The following GRAMD2A variants were observed in gnomAD, a reference collection of about 807,000 sequenced individuals.
GRAMD2A encodes GRAM domain-containing protein 2A.
A neutral mutation model predicts 51.1 loss-of-function variants in GRAMD2A; 37 were observed. The ratio of observed to expected loss-of-function variants is 0.72; its 90% CI spans 0.56 to 0.95. The LOEUF (loss-of-function observed/expected upper bound fraction) is 0.95. Ranked by LOEUF, GRAMD2A falls within the 40% of genes least tolerant of loss-of-function variation. GRAMD2A has a pLI of 0.00. For synonymous variants in GRAMD2A, 136 were observed against 157.1 expected (o/e 0.87, Z 1.01); for missense variants, 414 against 426.9 (o/e 0.97, Z 0.27).
intron 1 of GRAMD2A, among the ~76,000 whole-genome samples, chr15:72,196,009 C>T (rs1330922865): frequency 3.3e-5 from 5 of 152,224 alleles, no homozygotes; most frequent in Non-Finnish European, 7.3e-5. Flanking sequence ...TCAGAAAATT[C>T]TCCCAAGGGG....
At chr15:72,190,564 C>G (rs888114160) in intron 1 of GRAMD2A, among the ~76,000 whole-genome samples, 1 of 152,192 alleles carries the variant, frequency 6.6e-6, no homozygotes, top group Non-Finnish European at 1.5e-5. Flanking sequence ...TTGCAAGATT[C>G]ATTAACTTTT....
In GRAMD2A at chr15:72,166,245, G is replaced by C. The variant is rs546430754; in HGVS notation, c.543+387C>G. Among the ~76,000 whole-genome samples, 276 of 152,334 alleles carry C rather than the reference G, an allele frequency of 1.8e-3. No individual in the cohort carries two copies. The highest frequency in any genetic ancestry group is 3.4e-3 in the Non-Finnish European group (232 of 68,022). ...GCTTTGCCTGAGATGCTTTTGCCCA[G>C]CTCTAGGCTAATGAAAGCATTCTGA... is the stretch of plus-strand genomic sequence containing the variant. On this transcript the variant is annotated intron_variant, in intron 7 of 11. Coordinates refer to ENST00000309731, the MANE Select transcript of GRAMD2A (RefSeq NM_001012642.3). The surrounding 1 kb of genome is among the most constrained non-coding windows in gnomAD (Gnocchi z 4.1).
At chr15:72,176,809 C>T (rs1762537686) in intron 1 of GRAMD2A, among the ~76,000 whole-genome samples, 1 of 147,954 alleles carries the variant, frequency 6.8e-6, no homozygotes, top group African/African-American at 2.5e-5. Flanking sequence ...CTCCTTTTAA[C>T]TCTAAAGTGT....
Position 72,160,333 on chromosome 15 carries a change from CAAAAAAAAAA to C in GRAMD2A, c.*1666_*1675del, listed in dbSNP as rs11296860. 1 of 109,104 alleles carries C rather than the reference CAAAAAAAAAA, an allele frequency of 9.2e-6. No individual in the cohort carries two copies. Among genetic ancestry groups the C allele is most frequent in the African/African-American group, 3.4e-5 (1 of 29,356 alleles). The allele number at this position is 109,104 out of a possible 1,614,324, so 6.8% of individuals were successfully genotyped here. On this transcript the variant is annotated 3_prime_UTR_variant, in exon 12 of 12. Transcript: ENST00000309731. ...ATGAAAGGGTGAAAGGGGCTGGTTCCAAAAAAAAAAAAAAAAAAAGGATGACCATTCATGG... is the reference window on the plus strand; with the variant it reads ...ATGAAAGGGTGAAAGGGGCTGGTTCCAAAAAAAAAGGATGACCATTCATGG...
intron 1 of GRAMD2A, among the ~76,000 whole-genome samples, chr15:72,197,177 G>A (rs896299416): frequency 5.9e-5 from 9 of 152,118 alleles, no homozygotes; most frequent in African/African-American, 2.2e-4. Flanking sequence ...CGACCGGGAT[G>A]GGCCTGGCGC....
intron 1 of GRAMD2A, among the ~76,000 whole-genome samples, chr15:72,174,639 A>G (rs1329957139): frequency 6.6e-6 from 1 of 152,152 alleles, no homozygotes; most frequent in East Asian, 1.9e-4. Context: ...GCATGGTCTG[A>G]AGGCAGGAAG....
intron 1 of GRAMD2A, among the ~76,000 whole-genome samples, chr15:72,191,900 CTT>C (rs2081770517): frequency 2.6e-5 from 4 of 152,286 alleles, no homozygotes; most frequent in African/African-American, 9.6e-5. Flanking sequence ...AATGGCAACT[CTT>C]TGACTTTAGT....
At chr15:72,168,373 C>T in intron 4 of GRAMD2A, 118 bp downstream of exon 4, 1 of 757,188 alleles carries the variant, frequency 1.3e-6, no homozygotes, top group South Asian at 1.5e-5. Context: ...GGGGAGTGGT[C>T]CACATCTAAA....
intron 1 of GRAMD2A, among the ~76,000 whole-genome samples, chr15:72,186,958 C>T (rs890869168): frequency 4.6e-5 from 7 of 150,612 alleles, no homozygotes; most frequent in Non-Finnish European, 1.0e-4. Context: ...ACCAGCCTGG[C>T]CAACATAGTG....
chr15:72,168,396 C>T, intron 4 of GRAMD2A, 95 bp downstream of exon 4: 1 of 855,826 alleles, frequency 1.2e-6, no homozygotes, highest in Admixed American at 1.8e-5. Flanking sequence ...ACAGCCAGTT[C>T]CCATTTCTAA....
chr15:72,185,273 AACCTCT>A (rs1305920638), intron 1 of GRAMD2A, among the ~76,000 whole-genome samples: 11 of 149,336 alleles, frequency 7.4e-5, no homozygotes, highest in African/African-American at 2.5e-4. Flanking sequence ...GGCTCACTGC[AACCTCT>A]ACCTCCCAGG....
chr15:72,179,553 G>A (rs2081681501), intron 1 of GRAMD2A, among the ~76,000 whole-genome samples: 1 of 152,208 alleles, frequency 6.6e-6, no homozygotes, highest in Admixed American at 6.5e-5. Flanking sequence ...GTCTAGGAGA[G>A]CACGAACTGG....
chr15:72,177,164 C>A, intron 1 of GRAMD2A, among the ~76,000 whole-genome samples: 1 of 145,226 alleles, frequency 6.9e-6, no homozygotes, highest in Non-Finnish European at 1.5e-5. Flanking sequence ...GCTCAGCCTG[C>A]AGTCCTTTAA....
At chr15:72,187,463 G>GA (rs1227654624) in intron 1 of GRAMD2A, among the ~76,000 whole-genome samples, 3 of 144,560 alleles carry the variant, frequency 2.1e-5, no homozygotes, top group African/African-American at 7.7e-5. Flanking sequence ...TCTCAAAAAA[G>GA]AAAAAACAAA....
chr15:72,175,297 C>T (rs865814418), intron 1 of GRAMD2A, among the ~76,000 whole-genome samples: 4 of 152,170 alleles, frequency 2.6e-5, no homozygotes, highest in African/African-American at 7.2e-5. Flanking sequence ...TCCGGCTGTG[C>T]GGGTACACAC....
chr15:72,170,238 G>C lies in GRAMD2A; in HGVS notation c.42-299C>G, dbSNP rs1203968005. 1 of 538,022 alleles carries C rather than the reference G, an allele frequency of 1.9e-6. No individual in the cohort carries two copies. Among genetic ancestry groups the C allele is most frequent in the South Asian group, 1.5e-5 (1 of 65,250 alleles). 33.3% of individuals were successfully genotyped at this position (538,022 alleles called of 1,614,324 possible). ...ATCTCCAGTGCCAGGCAGCTCGTAG[G>C]CCAGGCTGAGTGAGGCCTCTAGCCC... On this transcript the variant is annotated intron_variant, in intron 1 of 11. Transcript: ENST00000309731. The surrounding 1 kb of genome is among the most constrained non-coding windows in gnomAD (Gnocchi z 4.5).
chr15:72,177,070 C>G (rs910930627), intron 1 of GRAMD2A, among the ~76,000 whole-genome samples: 1 of 151,568 alleles, frequency 6.6e-6, no homozygotes, highest in African/African-American at 2.4e-5. Flanking sequence ...AGGTCTTGCT[C>G]TGTTGCCCAG....
At chr15:72,165,902 C>T (rs2081538706) in intron 7 of GRAMD2A, among the ~76,000 whole-genome samples, 1 of 151,578 alleles carries the variant, frequency 6.6e-6, no homozygotes, top group African/African-American at 2.4e-5. Flanking sequence ...GAGTCTTGCT[C>T]TTGTCACCCA....
chr15:72,165,474 A>T (rs2081532953), intron 7 of GRAMD2A, 64 bp from the exon 8 acceptor site: 2 of 1,485,252 alleles, frequency 1.3e-6, no homozygotes, highest in African/African-American at 1.4e-5. Context: ...GGCAGGGGGA[A>T]GCATCAGCCC....
Sources: allele counts gnomAD v4.1 joint callset (sites outside exome capture counted in the v4.1 genomes callset), GRCh38; gene constraint gnomAD v4.1.1; non-coding constraint Gnocchi (gnomAD v3.1); transcripts MANE v1.5; gene names NCBI Gene and HGNC (gene_info 2026-07-23, HGNC 2026-07-21).